Variants in TNRC18 observed in about 807,000 individuals in gnomAD.
TNRC18 encodes the protein trinucleotide repeat containing 18, also known as trinucleotide repeat-containing gene 18 protein.
A neutral mutation model predicts 226.7 loss-of-function variants in TNRC18; 69 were observed. That is an observed-to-expected ratio of 0.30 (90% CI 0.25 to 0.37). TNRC18 has a LOEUF of 0.37. Ranked by LOEUF, TNRC18 falls within the 10% of genes least tolerant of loss-of-function variation. TNRC18 has a pLI of 1.00. For missense variants in TNRC18, 4,754 were observed against 4,256.6 expected (o/e 1.12, Z -3.25); for synonymous variants, 2,449 against 1,927.6 (o/e 1.27, Z -7.09).
chr7:5,421,281 G>A lies in TNRC18; in HGVS notation c.-35C>T, dbSNP rs1782571398. 7 of 1,268,544 alleles carry A rather than the reference G, an allele frequency of 5.5e-6. No homozygotes were observed. Among genetic ancestry groups the A allele is most frequent in the Non-Finnish European group, 5.0e-6 (5 of 1,005,090 alleles). The allele number at this position is 1,268,544 out of a possible 1,614,324, so 78.6% of individuals were successfully genotyped here. A position where few individuals can be genotyped will look rare whatever the true frequency, so the allele number is the denominator to read the frequency against. The stretch of plus-strand genomic sequence containing the variant: ...GAGTGCCGCGATCAGCCCCCCACCC[G>A]GCCCGCAGGCCTAGCTCAGTGGGAC... On this transcript the variant is annotated 5_prime_UTR_variant, in exon 2 of 30. Transcript: ENST00000430969.
chr7:5,394,468 C>T lies in TNRC18; in HGVS notation c.315G>A (p.Val105=), dbSNP rs973258625. 7 of 1,556,284 alleles carry T rather than the reference C, an allele frequency of 4.5e-6. No individual in the cohort carries two copies. The highest frequency in any genetic ancestry group is 4.0e-5 in the Admixed American group (2 of 50,494). Residue 105 remains valine, a synonymous_variant, in exon 3 of 30, where the codon GTG becomes GTA. Transcript: ENST00000430969. This position sits in a 1 kb window ranked among gnomAD's most constrained non-coding sequence, Gnocchi z 4.5. ...RSPTPSNLPM[V]QLWAAHAHEG... is the part of the protein sequence containing the mutation. The stretch of plus-strand genomic sequence containing the variant: ...CATGGGCGTGGGCGGCCCACAGCTG[C>T]ACCATGGGCAGGTTGCTAGGGGTTG...
chr7:5,339,578 T>TGTG (rs1562514256), intron 18 of TNRC18, among the ~76,000 whole-genome samples: 2 of 146,270 alleles, frequency 1.4e-5, no homozygotes, highest in South Asian at 2.2e-4. Flanking sequence ...TGTGTGTGTG[T>TGTG]TTTTCGACAG....
intron 2 of TNRC18, 185 bp downstream of exon 2, chr7:5,420,875 G>A (rs1276752444): frequency 1.0e-5 from 8 of 802,646 alleles, no homozygotes; most frequent in East Asian, 2.7e-5. Flanking sequence ...CGAGCCGCGC[G>A]ACACTCTCCA....
chr7:5,340,344 A>G (rs1790562076), intron 18 of TNRC18, among the ~76,000 whole-genome samples: 1 of 152,246 alleles, frequency 6.6e-6, no homozygotes, highest in Admixed American at 6.5e-5. Context: ...ATCCACAGCA[A>G]GGCCCCAACT....
At chr7:5,406,447 G>A (rs917247963) in intron 2 of TNRC18, among the ~76,000 whole-genome samples, 1 of 152,056 alleles carries the variant, frequency 6.6e-6, no homozygotes, top group African/African-American at 2.4e-5. Context: ...GGGTAATAGA[G>A]CGAGACTCTG....
At chr7:5,399,065 C>T (rs957643298) in intron 2 of TNRC18, among the ~76,000 whole-genome samples, 1 of 152,216 alleles carries the variant, frequency 6.6e-6, no homozygotes, top group Non-Finnish European at 1.5e-5. Context: ...GGCCATCCTG[C>T]CTGGTCTCCT....
In TNRC18 at chr7:5,308,328, G is replaced by T. The variant is rs372066409; in HGVS notation, c.8701-16C>A. 3 of 1,599,568 alleles carry T rather than the reference G, an allele frequency of 1.9e-6. No individual in the cohort carries two copies. The highest frequency in any genetic ancestry group is 4.6e-5 in the East Asian group (2 of 43,812). On this transcript the variant is annotated splice_polypyrimidine_tract_variant and intron_variant, in intron 29 of 29. Transcript: ENST00000430969. ...ATAGCGCGCGCTGCGGGCACGCGGG[G>T]ATATCAGGATGGCAGGTGGGGGGCA...
intron 2 of TNRC18, among the ~76,000 whole-genome samples, chr7:5,398,200 C>T (rs986240368): frequency 2.0e-5 from 3 of 151,048 alleles, no homozygotes; most frequent in South Asian, 4.2e-4. Flanking sequence ...ATGGGAGTTT[C>T]GCTCTTGTTG....
At position 5,325,117 on chromosome 7, in the gene TNRC18, T is replaced by C; in HGVS notation, c.6279A>G (p.Lys2093=). 1 of 1,550,332 alleles carries C rather than the reference T, an allele frequency of 6.5e-7. No homozygotes were observed. Among genetic ancestry groups the C allele is most frequent in the Non-Finnish European group, 8.7e-7 (1 of 1,147,154 alleles). The stretch of plus-strand genomic sequence containing the variant: ...TCACCTCCTTCTTCACCTCCTTCCC[T>C]TTGGCCTTGGCTTTGCTCCTTTTGG... ...TAAKRSKAKA[K]GKEVKKENRG... is the part of the protein sequence containing the mutation. The change falls in exon 20 of 30, where the codon AAA becomes AAG. Residue 2093 remains lysine, a synonymous_variant. Transcript: ENST00000430969.
Position 5,388,441 on chromosome 7 carries a change from A to G in TNRC18, c.1383T>C (p.Pro461=). 1 of 1,461,734 alleles carries G rather than the reference A, an allele frequency of 6.8e-7. No homozygotes were observed. Among genetic ancestry groups the G allele is most frequent in the Non-Finnish European group, 8.9e-7 (1 of 1,119,170 alleles). 90.5% of individuals were successfully genotyped at this position (1,461,734 alleles called of 1,614,324 possible). Residue 461 remains proline, a synonymous_variant, in exon 5 of 30, where the codon CCT becomes CCC. Coordinates refer to ENST00000430969, the MANE Select transcript of TNRC18 (RefSeq NM_001080495.3). The part of the protein sequence containing the change: ...RASPDPRAYV[P]AKELLKPEAD... ...CCTCGGGCTTGAGCAGCTCCTTGGC[A>G]GGCACGTAGGCGCGGGGGTCCGGGG...
At chr7:5,354,782 G>C (rs1436511667) in intron 16 of TNRC18, among the ~76,000 whole-genome samples, 1 of 152,120 alleles carries the variant, frequency 6.6e-6, no homozygotes, top group Non-Finnish European at 1.5e-5. Context: ...TTCCGTGCCA[G>C]GTGCCACGTT....
At chr7:5,400,134 C>T (rs924265319) in intron 2 of TNRC18, among the ~76,000 whole-genome samples, 1 of 152,044 alleles carries the variant, frequency 6.6e-6, no homozygotes, top group Non-Finnish European at 1.5e-5. Flanking sequence ...TGGGCTCAAG[C>T]GATCCTCCCA....
chr7:5,356,591 C>T (rs1045164543), intron 16 of TNRC18, among the ~76,000 whole-genome samples: 7 of 152,380 alleles, frequency 4.6e-5, no homozygotes, highest in African/African-American at 1.7e-4. Context: ...GCTTCCTCGC[C>T]TATGACATCC....
At chr7:5,330,588 A>G (rs1410425732) in intron 19 of TNRC18, among the ~76,000 whole-genome samples, 1 of 151,906 alleles carries the variant, frequency 6.6e-6, no homozygotes, top group African/African-American at 2.4e-5. Flanking sequence ...TCATAGGAGA[A>G]ACCCACTTCA....
intron 5 of TNRC18, among the ~76,000 whole-genome samples, chr7:5,386,816 G>A (rs1167221518): frequency 6.6e-6 from 1 of 152,070 alleles, no homozygotes; most frequent in East Asian, 1.9e-4. Context: ...ACTCACGCCT[G>A]TAATGCCCAG....
rs1029704896 is a variant in TNRC18, at chr7:5,421,467, G to A, written c.-221C>T. The A allele has an allele frequency of 1.9e-5, 3 of 156,642 alleles. No individual in the cohort carries two copies. The highest frequency in any genetic ancestry group is 2.7e-5 in the Non-Finnish European group (2 of 73,152). 9.7% of individuals were successfully genotyped at this position (156,642 alleles called of 1,614,324 possible). ...CCCCTCCGGGCGGCCAGGCGGAGCT[G>A]CGCGAGGCGGCGCACACGGCGTCTT... is the stretch of plus-strand genomic sequence containing the variant. On this transcript the variant is annotated 5_prime_UTR_variant, in exon 2 of 30. The change creates a premature stop within an existing upstream ORF in the 5' untranslated region. Transcript: ENST00000430969.
At chr7:5,379,163 C>G (rs1219458888) in intron 5 of TNRC18, among the ~76,000 whole-genome samples, 1 of 151,770 alleles carries the variant, frequency 6.6e-6, no homozygotes, top group Non-Finnish European at 1.5e-5. Context: ...CACCACTGCA[C>G]TCCAGCCTGG....
rs565202589 is a variant in TNRC18, at chr7:5,377,505, T to C, written c.2327A>G (p.Asn776Ser). The C allele has an allele frequency of 5.0e-6, 8 of 1,586,766 alleles. No homozygotes were observed. Among genetic ancestry groups the C allele is most frequent in the African/African-American group, 1.3e-5 (1 of 74,480 alleles). ...CGCCGGGCCCCCCGTCACCATGAGG[T>C]TGGGGTTCAGGCCGTTAGGAGCACA... ...TSCAPNGLNP[N>S]LMVTGGPALA... The change falls in exon 7 of 30, where the codon AAC becomes AGC. Residue 776 changes from asparagine (N) to serine (S), a missense_variant. Coordinates refer to ENST00000430969, the MANE Select transcript of TNRC18 (RefSeq NM_001080495.3). This position sits in a 1 kb window ranked among gnomAD's most constrained non-coding sequence, Gnocchi z 5.8.
At chr7:5,355,109 G>A (rs1236437465) in intron 16 of TNRC18, among the ~76,000 whole-genome samples, 1 of 152,180 alleles carries the variant, frequency 6.6e-6, no homozygotes, top group South Asian at 2.1e-4. Flanking sequence ...AACCCAGGAA[G>A]CTCCCTCCTT....
Sources: gnomAD v4.1 joint callset for allele counts (sites outside exome capture counted in the v4.1 genomes callset) on GRCh38, gnomAD v4.1.1 for gene constraint, Gnocchi (gnomAD v3.1) non-coding constraint, MANE v1.5 for transcripts, NCBI Gene and HGNC (gene_info 2026-07-23, HGNC 2026-07-21) for gene names.